Variants in COL19A1 observed in about 807,000 individuals in gnomAD.
COL19A1 encodes collagen type XIX alpha 1 chain.
COL19A1 carries 159 observed loss-of-function variants against 190.2 expected under a neutral mutation model. The observed-to-expected ratio is 0.84, with a 90% CI of 0.73 to 0.95. The LOEUF (loss-of-function observed/expected upper bound fraction) is 0.95, where lower values mean the gene tolerates loss of function less well. COL19A1 is among the 40% of genes least tolerant of loss of function. The pLI is 0.00. For missense variants in COL19A1, 1,418 were observed against 1,431.9 expected (o/e 0.99, Z 0.16); for synonymous variants, 509 against 458.9 (o/e 1.11, Z -1.39).
intron 15 of COL19A1, among the ~76,000 whole-genome samples, chr6:70,088,312 AGATTATGT>A (rs1473607600): frequency 1.3e-5 from 2 of 152,028 alleles, no homozygotes; most frequent in African/African-American, 4.8e-5. Context: ...TCAGGCTGAG[AGATTATGT>A]GACTTTTTCA....
In COL19A1 at chr6:70,020,990, A is replaced by G. The variant is rs73746850; in HGVS notation, c.1027-2637A>G. Among the ~76,000 whole-genome samples, 1,320 of 152,236 alleles carry G rather than the reference A, an allele frequency of 8.7e-3. 16 individuals are homozygous for G. Among genetic ancestry groups the G allele is most frequent in the African/African-American group, 0.029 (1,226 of 41,560 alleles). On this transcript the variant is annotated intron_variant, in intron 11 of 50. Transcript: ENST00000620364. ...ATTCTTTACCCTGAAGGGCATTTTA[A>G]GAGACATTGACTCCTACTTTATGGA... is the stretch of plus-strand genomic sequence containing the variant.
chr6:70,069,876 G>T (rs1343645844), intron 15 of COL19A1, among the ~76,000 whole-genome samples: 4 of 152,072 alleles, frequency 2.6e-5, no homozygotes, highest in Admixed American at 2.6e-4. Context: ...TTTAAAAAAT[G>T]ATTTGAATCC....
intron 9 of COL19A1, among the ~76,000 whole-genome samples, chr6:69,941,517 A>G (rs542046850): frequency 6.6e-6 from 1 of 152,246 alleles, no homozygotes; most frequent in South Asian, 2.1e-4. Context: ...AATTTATTAG[A>G]TGTAAAAATG....
At chr6:69,995,505 T>A (rs1776852379) in intron 11 of COL19A1, among the ~76,000 whole-genome samples, 1 of 150,670 alleles carries the variant, frequency 6.6e-6, no homozygotes, top group South Asian at 2.1e-4. Flanking sequence ...ATGGTTTGAT[T>A]TAAGTAAAAC....
chr6:70,193,596 G>A (rs1478715941), intron 48 of COL19A1, among the ~76,000 whole-genome samples: 1 of 152,148 alleles, frequency 6.6e-6, no homozygotes, highest in African/African-American at 2.4e-5. Flanking sequence ...GAAACCACAG[G>A]TGTCTTAGCC....
intron 14 of COL19A1, among the ~76,000 whole-genome samples, chr6:70,065,624 A>G (rs1029645903): frequency 7.2e-5 from 11 of 152,290 alleles, no homozygotes; most frequent in African/African-American, 2.4e-4. Flanking sequence ...TAATTAAACT[A>G]AAGAGCTTCT....
intron 31 of COL19A1, among the ~76,000 whole-genome samples, chr6:70,153,346 G>T (rs762814827): frequency 1.3e-5 from 2 of 152,068 alleles, no homozygotes; most frequent in African/African-American, 2.4e-5. Flanking sequence ...ATAATTACAG[G>T]CACCTTCAAA....
At position 70,211,239 on chromosome 6, in the gene COL19A1, C is replaced by T. The variant is rs991181836; in HGVS notation, c.*3965C>T. Among the ~76,000 whole-genome samples, 4 of 151,514 alleles carry T rather than the reference C, an allele frequency of 2.6e-5. No homozygotes were observed. Among genetic ancestry groups the T allele is most frequent in the South Asian group, 4.2e-4 (2 of 4,802 alleles). On this transcript the variant is annotated 3_prime_UTR_variant, in exon 51 of 51. Transcript: ENST00000620364. ...TAGAAACACTGTTTTTTTTAAGTAC[C>T]GTTTTTATTTTCATAACACTAATAA...
At chr6:69,988,450 C>T (rs1776426472) in intron 11 of COL19A1, among the ~76,000 whole-genome samples, 1 of 152,060 alleles carries the variant, frequency 6.6e-6, no homozygotes, top group Admixed American at 6.5e-5. Context: ...TTATTAGTTC[C>T]CAGATGAGAA....
intron 16 of COL19A1, among the ~76,000 whole-genome samples, chr6:70,111,191 T>C (rs1784264824): frequency 6.6e-6 from 1 of 152,206 alleles, no homozygotes; most frequent in South Asian, 2.1e-4. Context: ...TTATTTTCAT[T>C]TAATAAGAAT....
rs753921950 is a variant in COL19A1 at position 69,899,114 on chromosome 6, C to T, written c.166+92C>T. 79 of 767,918 alleles carry T rather than the reference C, an allele frequency of 1.0e-4. No homozygotes were observed. The South Asian group carries it at 1.1e-3, about 11-fold the overall frequency. 47.6% of individuals were successfully genotyped at this position (767,918 alleles called of 1,614,324 possible). Reference sequence around the variant, plus strand: ...ATACATTATAGGTGAATCTTTGATACTGCAATTTAAGATCATAGCATTAAC... The same window carrying T: ...ATACATTATAGGTGAATCTTTGATATTGCAATTTAAGATCATAGCATTAAC... On this transcript the variant is annotated intron_variant, in intron 3 of 50. Transcript: ENST00000620364.
At chr6:69,947,727 GTTTTCAGACAGATATT>G (rs1400185273) in intron 9 of COL19A1, among the ~76,000 whole-genome samples, 1 of 151,732 alleles carries the variant, frequency 6.6e-6, no homozygotes, top group East Asian at 1.9e-4. Flanking sequence ...AGGTTCAGAG[GTTTTCAGACAGATATT>G]TTTTCAGACC....
chr6:70,146,623 AGAAGAAGATAT>A, intron 25 of COL19A1, 25 bp from the exon 26 acceptor site: 1 of 1,542,826 alleles, frequency 6.5e-7, no homozygotes. Flanking sequence ...TAACTTTTCT[AGAAGAAGATAT>A]GTATTCATAC....
In COL19A1 at chr6:69,945,928, T is replaced by G. The variant is rs79795829; in HGVS notation, c.936+7828T>G. Among the ~76,000 whole-genome samples, 93 of 152,182 alleles carry G rather than the reference T, an allele frequency of 6.1e-4. 1 individual carries two copies. The East Asian group carries it at 0.016, about 27-fold the overall frequency. ...ATTTATTAGACTGAATTTGTGATAG[T>G]GCTTTTAAGGAAGCCATAGATGATC... is the stretch of plus-strand genomic sequence containing the variant. On this transcript the variant is annotated intron_variant, in intron 9 of 50. Coordinates refer to ENST00000620364, the MANE Select transcript of COL19A1 (RefSeq NM_001858.6).
intron 41 of COL19A1, among the ~76,000 whole-genome samples, chr6:70,173,276 T>C (rs1344293334): frequency 6.6e-6 from 1 of 152,218 alleles, no homozygotes; most frequent in East Asian, 1.9e-4. Flanking sequence ...GATATAAATT[T>C]GGCTGTTCTA....
chr6:69,917,659 T>G (rs1771397205), intron 4 of COL19A1, among the ~76,000 whole-genome samples: 1 of 152,098 alleles, frequency 6.6e-6, no homozygotes, highest in South Asian at 2.1e-4. Flanking sequence ...AGGACAATCT[T>G]AGACCGTTCA....
At chr6:69,991,974 C>T (rs574645308) in intron 11 of COL19A1, among the ~76,000 whole-genome samples, 12 of 152,084 alleles carry the variant, frequency 7.9e-5, no homozygotes, top group South Asian at 4.1e-4. Context: ...AAATCTTTGC[C>T]AGGGCTGATG....
Position 70,146,547 on chromosome 6 carries a change from A to G in COL19A1, c.1771-112A>G, listed in dbSNP as rs1786658870. On this transcript the variant is annotated intron_variant, in intron 25 of 50. Transcript: ENST00000620364. ...CCCCGTTCCTTATTCTTTTATAGAA[A>G]AAGATTTATTCAAGCAAGATGAAGA... 3.2e-5 allele frequency: 22 copies of G among 694,280 alleles called. No individual in the cohort carries two copies. The South Asian group carries it at 9.0e-4, about 28-fold the overall frequency. The allele number at this position is 694,280 out of a possible 1,614,324, so 43.0% of individuals were successfully genotyped here.
intron 14 of COL19A1, among the ~76,000 whole-genome samples, chr6:70,036,326 C>T (rs1489459590): frequency 6.6e-6 from 1 of 152,136 alleles, no homozygotes; most frequent in East Asian, 1.9e-4. Flanking sequence ...CTCTAATCAC[C>T]CAGTGAATAA....
Sources: allele counts gnomAD v4.1 joint callset (sites outside exome capture counted in the v4.1 genomes callset), GRCh38; gene constraint gnomAD v4.1.1; transcripts MANE v1.5; gene names NCBI Gene and HGNC (gene_info 2026-07-23, HGNC 2026-07-21).